Variants in STXBP6 observed in about 807,000 individuals in gnomAD.
STXBP6 encodes syntaxin binding protein 6.
A neutral mutation model predicts 26.9 loss-of-function variants in STXBP6; 21 were observed. The ratio of observed to expected loss-of-function variants is 0.78; its 90% CI spans 0.55 to 1.12. The LOEUF is 1.12. Among genes scored for constraint, STXBP6 ranks in the 50% most tolerant of loss-of-function variants. The probability of loss-of-function intolerance (pLI) is 0.00; values close to 1 mark genes in which losing one functional copy is unlikely to be tolerated. For missense variants in STXBP6, 232 were observed against 257.9 expected, an observed-to-expected ratio of 0.90 and a Z score of 0.69; for synonymous variants, 97 against 92.6, an observed-to-expected ratio of 1.05 and a Z score of -0.27.
chr14:24,903,785 C>T (rs1393742444), intron 2 of STXBP6, among the ~76,000 whole-genome samples: 1 of 152,208 alleles, frequency 6.6e-6, no homozygotes, highest in Non-Finnish European at 1.5e-5. Context: ...AAAACCTGTA[C>T]AAATTACATA....
chr14:24,826,622 T>C (rs758359625), intron 4 of STXBP6, among the ~76,000 whole-genome samples: 4 of 152,166 alleles, frequency 2.6e-5, no homozygotes, highest in East Asian at 1.9e-4. Context: ...ATCGAGTCCA[T>C]TGCCTATTTT....
chr14:24,974,685 A>G lies in STXBP6; in HGVS notation c.134T>C (p.Leu45Ser), dbSNP rs1407089721. 3 of 1,554,058 alleles carry G rather than the reference A, an allele frequency of 1.9e-6. No individual in the cohort carries two copies. The highest frequency in any genetic ancestry group is 2.6e-6 in the Non-Finnish European group (3 of 1,147,610). Residue 45 changes from leucine (L) to serine (S), a missense_variant, in exon 2 of 6, where the codon TTA becomes TCA. Transcript: ENST00000323944. ...FLATGGQGEY[L>S]TYICLSVTNK... The stretch of plus-strand genomic sequence containing the variant: ...ATTACCTGACAGGCAGATATAAGTT[A>G]AATATTCGCCTTGACCTCCAGTTGC...
chr14:24,828,944 G>A (rs2068371429), intron 4 of STXBP6, among the ~76,000 whole-genome samples: 1 of 152,166 alleles, frequency 6.6e-6, no homozygotes, highest in Non-Finnish European at 1.5e-5. Flanking sequence ...CTGGGCGTAT[G>A]TGAAGAATAT....
chr14:24,888,253 A>G (rs1292671784), intron 2 of STXBP6, among the ~76,000 whole-genome samples: 1 of 152,256 alleles, frequency 6.6e-6, no homozygotes, highest in Non-Finnish European at 1.5e-5. Context: ...TGCAAGCTAT[A>G]TTACAAATGG....
intron 2 of STXBP6, among the ~76,000 whole-genome samples, chr14:24,869,132 G>A (rs570641424): frequency 6.6e-6 from 1 of 152,172 alleles, no homozygotes; most frequent in East Asian, 1.9e-4. Flanking sequence ...TCTCCATTCC[G>A]ATCACAAATA....
intron 2 of STXBP6, among the ~76,000 whole-genome samples, chr14:24,972,622 C>T (rs1211206065): frequency 6.6e-6 from 1 of 152,206 alleles, no homozygotes; most frequent in African/African-American, 2.4e-5. Context: ...CAGCTCAGCT[C>T]AAATGCAAAT....
At chr14:24,955,682 T>C (rs1378946093) in intron 2 of STXBP6, among the ~76,000 whole-genome samples, 3 of 151,880 alleles carry the variant, frequency 2.0e-5, no homozygotes, top group Non-Finnish European at 4.4e-5. Flanking sequence ...GGGCACAGGG[T>C]ATCTCGGTTG....
chr14:25,029,218 A>T (rs2075405054), intron 1 of STXBP6, among the ~76,000 whole-genome samples: 1 of 152,138 alleles, frequency 6.6e-6, no homozygotes, highest in Non-Finnish European at 1.5e-5. Flanking sequence ...GCTGCAGGGA[A>T]ATCTTACACG....
chr14:24,866,899 G>A (rs1192491491), intron 2 of STXBP6, among the ~76,000 whole-genome samples: 1 of 151,776 alleles, frequency 6.6e-6, no homozygotes, highest in East Asian at 1.9e-4. Context: ...TGTAGAATAC[G>A]ACACATTAAT....
At chr14:24,915,840 G>T (rs981886345) in intron 2 of STXBP6, among the ~76,000 whole-genome samples, 1 of 152,072 alleles carries the variant, frequency 6.6e-6, no homozygotes, top group East Asian at 1.9e-4. Context: ...GATAAAATGT[G>T]AACCTAAAAG....
intron 2 of STXBP6, among the ~76,000 whole-genome samples, chr14:24,928,595 G>C (rs1437205135): frequency 6.6e-6 from 1 of 152,108 alleles, no homozygotes; most frequent in African/African-American, 2.4e-5. Context: ...CAGCTCTTTA[G>C]CAACTGCTTC....
intron 2 of STXBP6, among the ~76,000 whole-genome samples, chr14:24,931,473 GA>G (rs1335424947): frequency 1.3e-5 from 2 of 152,116 alleles, no homozygotes; most frequent in Non-Finnish European, 1.5e-5. Flanking sequence ...TCATTTCTCT[GA>G]GCTTCCACAC....
Position 25,049,355 on chromosome 14 carries a change from T to G in STXBP6, c.-33+523A>C, listed in dbSNP as rs1340117122. On this transcript the variant is annotated intron_variant, in intron 1 of 5. Coordinates refer to ENST00000323944, the MANE Select transcript of STXBP6 (RefSeq NM_001394410.1). The surrounding 1 kb of genome is among the most constrained non-coding windows in gnomAD (Gnocchi z 5.6). The stretch of plus-strand genomic sequence containing the variant: ...CCAGCGCCCTGGGGGCAGGGTGCCG[T>G]GCCCGCCAGAAAAGCTCGCCTCAGT... 1 of 985,278 alleles carries G rather than the reference T, an allele frequency of 1.0e-6. No individual in the cohort carries two copies. The highest frequency in any genetic ancestry group is 1.7e-5 in the African/African-American group (1 of 57,248). 61.0% of individuals were successfully genotyped at this position (985,278 alleles called of 1,614,324 possible).
intron 2 of STXBP6, among the ~76,000 whole-genome samples, chr14:24,872,937 C>T (rs963159242): frequency 2.6e-5 from 4 of 152,172 alleles, no homozygotes; most frequent in African/African-American, 7.2e-5. Context: ...TTTGTTGTGC[C>T]GAATCTGATT....
chr14:24,841,865 C>T, intron 4 of STXBP6, among the ~76,000 whole-genome samples: 1 of 152,012 alleles, frequency 6.6e-6, no homozygotes, highest in East Asian at 1.9e-4. Context: ...TATTGGAGTT[C>T]ATTGTTACTT....
intron 1 of STXBP6, among the ~76,000 whole-genome samples, chr14:24,990,290 C>G (rs777293573): frequency 6.6e-6 from 1 of 152,126 alleles, no homozygotes; most frequent in Non-Finnish European, 1.5e-5. Context: ...CTGTTCCAAG[C>G]TGAGTAGGAT....
At position 24,974,858 on chromosome 14, in the gene STXBP6, A is replaced by G. The variant is rs771617613; in HGVS notation, c.-32-8T>C. On this transcript the variant is annotated splice_region_variant and splice_polypyrimidine_tract_variant and intron_variant, in intron 1 of 5. Coordinates refer to ENST00000323944, the MANE Select transcript of STXBP6 (RefSeq NM_001394410.1). ...GGACAGCACGCAGTGAATCTTTTAA[A>G]GAAGGAAAAGAAAGGAAAGTTGGAA... 30 of 1,510,138 alleles carry G rather than the reference A, an allele frequency of 2.0e-5. No homozygotes were observed. In the African/African-American group the frequency reaches 4.0e-4, roughly 20 times the overall value. 93.5% of individuals were successfully genotyped at this position (1,510,138 alleles called of 1,614,324 possible).
At chr14:24,863,962 G>A (rs988633539) in intron 2 of STXBP6, among the ~76,000 whole-genome samples, 6 of 152,128 alleles carry the variant, frequency 3.9e-5, no homozygotes, top group African/African-American at 1.2e-4. Context: ...AAACAGGTCT[G>A]AGCAAGACAG....
chr14:25,007,020 G>C (rs1211126274), intron 1 of STXBP6, among the ~76,000 whole-genome samples: 1 of 152,180 alleles, frequency 6.6e-6, no homozygotes, highest in Admixed American at 6.5e-5. Context: ...TTATGCCTCG[G>C]CAAAAATGCG....
Sources: gnomAD v4.1 joint callset for allele counts (sites outside exome capture counted in the v4.1 genomes callset) on GRCh38, gnomAD v4.1.1 for gene constraint, Gnocchi (gnomAD v3.1) non-coding constraint, MANE v1.5 for transcripts, NCBI Gene and HGNC (gene_info 2026-07-23, HGNC 2026-07-21) for gene names.